SOX5: variants seen among roughly 807,000 people sequenced by gnomAD.
The protein encoded by SOX5 is transcription factor SOX-5.
SOX5 carries 9 observed loss-of-function variants against 92.0 expected under a neutral mutation model. The observed-to-expected ratio is 0.10, with a 90% CI of 0.06 to 0.17. The LOEUF is 0.17. SOX5 is among the 10% of genes least tolerant of loss of function. The pLI is 1.00. For missense variants in SOX5, 642 were observed against 944.5 expected, an observed-to-expected ratio of 0.68 and a Z score of 4.20; for synonymous variants, 344 against 336.3, an observed-to-expected ratio of 1.02 and a Z score of -0.25.
At chr12:23,973,620 C>T (rs768194739) in intron 4 of SOX5, among the ~76,000 whole-genome samples, 14 of 152,158 alleles carry the variant, frequency 9.2e-5, no homozygotes, top group Non-Finnish European at 1.8e-4. Context: ...AGACACATTC[C>T]AATACTCATG....
At chr12:24,506,424 G>T (rs1482937944) in intron 1 of SOX5, among the ~76,000 whole-genome samples, 23 of 150,538 alleles carry the variant, frequency 1.5e-4, no homozygotes. Flanking sequence ...AAAAAAGAGA[G>T]AGAGAGATGC....
chr12:23,726,535 G>A (rs147826704), intron 6 of SOX5, among the ~76,000 whole-genome samples: 146 of 152,094 alleles, frequency 9.6e-4, no homozygotes, highest in African/African-American at 3.3e-3. Flanking sequence ...TACTGACTTC[G>A]GCCAACATTC....
At chr12:24,236,035 C>CA (rs769143000) in intron 3 of SOX5, among the ~76,000 whole-genome samples, 69 of 151,744 alleles carry the variant, frequency 4.5e-4, no homozygotes, top group Non-Finnish European at 8.2e-4. Context: ...TAAAAAAACA[C>CA]AAAAAAATTA....
At chr12:23,721,371 C>A (rs2092809312) in intron 6 of SOX5, among the ~76,000 whole-genome samples, 1 of 152,150 alleles carries the variant, frequency 6.6e-6, no homozygotes, top group Non-Finnish European at 1.5e-5. Flanking sequence ...AGGCATGAGC[C>A]ACCGTGCCTG....
At chr12:24,087,192 A>G (rs1039581699) in intron 4 of SOX5, among the ~76,000 whole-genome samples, 2 of 151,986 alleles carry the variant, frequency 1.3e-5, no homozygotes, top group Non-Finnish European at 1.5e-5. Flanking sequence ...ATATTTTAGA[A>G]TTGCTTATCA....
chr12:24,029,512 C>T (rs910735287), intron 4 of SOX5, among the ~76,000 whole-genome samples: 2 of 151,718 alleles, frequency 1.3e-5, no homozygotes, highest in Non-Finnish European at 2.9e-5. Context: ...TGGACTCAAG[C>T]GATCCCCCCA....
chr12:23,685,152 C>G (rs1385245416), intron 6 of SOX5, among the ~76,000 whole-genome samples: 2 of 152,082 alleles, frequency 1.3e-5, no homozygotes, highest in African/African-American at 4.8e-5. Context: ...GTTGTAGTGA[C>G]AGAAAATAGG....
chr12:24,090,480 CAA>C (rs1451075050), intron 4 of SOX5, among the ~76,000 whole-genome samples: 1 of 151,768 alleles, frequency 6.6e-6, no homozygotes, highest in African/African-American at 2.4e-5. Context: ...AGTGAGACGA[CAA>C]AATTATATAT....
chr12:24,179,077 C>T (rs1955167928), intron 4 of SOX5, among the ~76,000 whole-genome samples: 1 of 152,168 alleles, frequency 6.6e-6, no homozygotes, highest in African/African-American at 2.4e-5. Flanking sequence ...GGGCTTGTTA[C>T]CTCTAATTAG....
At chr12:24,330,298 T>G (rs1013719347) in intron 2 of SOX5, among the ~76,000 whole-genome samples, 7 of 152,082 alleles carry the variant, frequency 4.6e-5, no homozygotes, top group African/African-American at 1.4e-4. Flanking sequence ...AGAAACAAAT[T>G]CAATCTTATT....
intron 6 of SOX5, among the ~76,000 whole-genome samples, chr12:23,724,716 G>T (rs910154046): frequency 1.4e-4 from 21 of 152,120 alleles, no homozygotes; most frequent in Admixed American, 1.0e-3. Context: ...GACAAGCATG[G>T]CATTTGAAGA....
chr12:23,588,899 A>T (rs554313210), intron 9 of SOX5, among the ~76,000 whole-genome samples: 12 of 152,066 alleles, frequency 7.9e-5, no homozygotes, highest in African/African-American at 2.6e-4. Flanking sequence ...CACAAATACC[A>T]TTTTGTTACA....
chr12:23,918,482 T>G (rs983472610), intron 1 of SOX5, among the ~76,000 whole-genome samples: 8 of 152,256 alleles, frequency 5.3e-5, no homozygotes, highest in African/African-American at 1.9e-4. Flanking sequence ...TCGAAAATTT[T>G]GCCCAATAAC....
intron 4 of SOX5, among the ~76,000 whole-genome samples, chr12:24,200,025 G>C (rs11047311): frequency 6.6e-6 from 1 of 151,990 alleles, no homozygotes; most frequent in African/African-American, 2.4e-5. Flanking sequence ...AAAACTGGGG[G>C]AAAAATATCA....
At chr12:23,701,662 G>C (rs2090641274) in intron 6 of SOX5, among the ~76,000 whole-genome samples, 1 of 151,904 alleles carries the variant, frequency 6.6e-6, no homozygotes, top group South Asian at 2.1e-4. Flanking sequence ...ATGTAAACAG[G>C]ATCGTTACTA....
chr12:24,176,222 G>T (rs1015259513), intron 4 of SOX5, among the ~76,000 whole-genome samples: 2 of 152,020 alleles, frequency 1.3e-5, no homozygotes, highest in Non-Finnish European at 2.9e-5. Flanking sequence ...TCTGATACTT[G>T]GGAGGCTGAG....
intron 1 of SOX5, among the ~76,000 whole-genome samples, chr12:24,506,782 G>GTTTTTT (rs1386116375): frequency 1.9e-4 from 15 of 80,270 alleles, no homozygotes; most frequent in South Asian, 4.2e-4. Flanking sequence ...TATCCAAATG[G>GTTTTTT]TCTTTTTTTT....
At chr12:23,942,757 T>A (rs1214555295) in intron 1 of SOX5, among the ~76,000 whole-genome samples, 7 of 151,772 alleles carry the variant, frequency 4.6e-5, no homozygotes, top group African/African-American at 7.3e-5. Flanking sequence ...TGTGACAGAA[T>A]TGATTGGGAA....
chr12:24,539,953 T>C (rs1203475286), intron 1 of SOX5, among the ~76,000 whole-genome samples: 1 of 152,078 alleles, frequency 6.6e-6, no homozygotes, highest in African/African-American at 2.4e-5. Flanking sequence ...TAATTACTTA[T>C]AGTTTTGAAA....
Sources: allele counts gnomAD v4.1 joint callset (sites outside exome capture counted in the v4.1 genomes callset), GRCh38; gene constraint gnomAD v4.1.1; transcripts MANE v1.5; gene names NCBI Gene and HGNC (gene_info 2026-07-23, HGNC 2026-07-21).